ARL15: variants seen among roughly 807,000 people sequenced by gnomAD.
ARL15 encodes ADP-ribosylation factor-like protein 15.
A neutral mutation model predicts 25.2 loss-of-function variants in ARL15; 19 were observed. The observed-to-expected ratio is 0.75, with a 90% confidence interval of 0.53 to 1.10. The LOEUF (loss-of-function observed/expected upper bound fraction) is 1.10. Among genes scored for constraint, ARL15 ranks in the 50% least tolerant of loss-of-function variants. The pLI is 0.00. For missense variants in ARL15, 220 were observed against 246.0 expected (o/e 0.89, Z 0.71); for synonymous variants, 94 against 86.8 (o/e 1.08, Z -0.46).
chr5:53,907,128 A>T (rs1319382947), intron 4 of ARL15, among the ~76,000 whole-genome samples: 1 of 152,020 alleles, frequency 6.6e-6, no homozygotes, highest in African/African-American at 2.4e-5. Flanking sequence ...AGCAAGAAGT[A>T]CAGCTTCCTA....
intron 4 of ARL15, among the ~76,000 whole-genome samples, chr5:54,099,750 G>A (rs1194475284): frequency 6.6e-6 from 1 of 152,082 alleles, no homozygotes; most frequent in Non-Finnish European, 1.5e-5. Context: ...TGTTAATAAT[G>A]AGTAAGACTC....
At chr5:54,106,534 T>C (rs1472090691) in intron 4 of ARL15, among the ~76,000 whole-genome samples, 2 of 152,188 alleles carry the variant, frequency 1.3e-5, no homozygotes, top group Non-Finnish European at 1.5e-5. Context: ...TATTATCATA[T>C]AACCTATGCA....
At chr5:54,198,063 G>C (rs1206702235) in intron 1 of ARL15, among the ~76,000 whole-genome samples, 1 of 152,022 alleles carries the variant, frequency 6.6e-6, no homozygotes, top group Non-Finnish European at 1.5e-5. Context: ...TATCTCAATA[G>C]ATGCAGAAAA....
At chr5:54,041,080 C>T (rs1750329755) in intron 4 of ARL15, among the ~76,000 whole-genome samples, 1 of 152,142 alleles carries the variant, frequency 6.6e-6, no homozygotes, top group Non-Finnish European at 1.5e-5. Flanking sequence ...GCTTGGAAGC[C>T]AGGGGAAAAA....
At chr5:54,067,488 T>G (rs921096812) in intron 4 of ARL15, among the ~76,000 whole-genome samples, 5 of 152,188 alleles carry the variant, frequency 3.3e-5, no homozygotes, top group African/African-American at 1.2e-4. Flanking sequence ...TTTTCTTCAT[T>G]TATTCAGTTA....
chr5:54,250,799 G>T (rs1463815273), intron 1 of ARL15, among the ~76,000 whole-genome samples: 1 of 152,094 alleles, frequency 6.6e-6, no homozygotes, highest in Non-Finnish European at 1.5e-5. Context: ...CACATCTTCT[G>T]ATCCCAGAAC....
intron 4 of ARL15, among the ~76,000 whole-genome samples, chr5:53,965,014 A>G (rs564395029): frequency 3.2e-4 from 48 of 152,214 alleles, no homozygotes; most frequent in Non-Finnish European, 6.3e-4. Flanking sequence ...AGGCCTGCCA[A>G]TTTGCAAAAC....
At chr5:54,049,181 G>A (rs980578371) in intron 4 of ARL15, among the ~76,000 whole-genome samples, 5 of 152,044 alleles carry the variant, frequency 3.3e-5, no homozygotes, top group African/African-American at 1.2e-4. Context: ...ATGTCTACGT[G>A]TATACCTAAG....
chr5:54,065,278 G>T (rs1319343163), intron 4 of ARL15, among the ~76,000 whole-genome samples: 1 of 152,036 alleles, frequency 6.6e-6, no homozygotes. Flanking sequence ...TATTAATCTG[G>T]CATCTTTCAC....
At chr5:54,307,769 T>TACAC (rs1758795962) in intron 1 of ARL15, 1 of 151,980 alleles carries the variant, frequency 6.6e-6, no homozygotes, top group African/African-American at 2.4e-5. Context: ...AATAGATACA[T>TACAC]ACACACACAC....
chr5:53,899,009 G>T (rs1744968640), intron 4 of ARL15, among the ~76,000 whole-genome samples: 1 of 151,948 alleles, frequency 6.6e-6, no homozygotes, highest in Non-Finnish European at 1.5e-5. Flanking sequence ...CCTAATTTTA[G>T]AAATTTAAGT....
At chr5:53,894,367 G>A (rs1376068433) in intron 4 of ARL15, among the ~76,000 whole-genome samples, 3 of 152,162 alleles carry the variant, frequency 2.0e-5, no homozygotes, top group Non-Finnish European at 4.4e-5. Flanking sequence ...CAATGCACGG[G>A]AGAAGTTAGT....
chr5:54,309,871 A>T (rs1758850720), intron 1 of ARL15, among the ~76,000 whole-genome samples: 1 of 152,112 alleles, frequency 6.6e-6, no homozygotes, highest in Admixed American at 6.5e-5. Context: ...GTCCCTACTC[A>T]GTCCTGTTCG....
intron 4 of ARL15, among the ~76,000 whole-genome samples, chr5:54,093,389 A>C (rs1323717827): frequency 6.6e-6 from 1 of 152,096 alleles, no homozygotes; most frequent in Non-Finnish European, 1.5e-5. Flanking sequence ...AACCGAGAAA[A>C]CTTGGGCAGC....
At chr5:54,077,557 G>A (rs1385172580) in intron 4 of ARL15, among the ~76,000 whole-genome samples, 1 of 152,130 alleles carries the variant, frequency 6.6e-6, no homozygotes, top group Non-Finnish European at 1.5e-5. Context: ...CCATTATACG[G>A]GGAAACATGA....
At chr5:53,959,085 C>G (rs1324941141) in intron 4 of ARL15, among the ~76,000 whole-genome samples, 1 of 152,118 alleles carries the variant, frequency 6.6e-6, no homozygotes, top group Non-Finnish European at 1.5e-5. Flanking sequence ...ATAGAACACT[C>G]CAGCCAGTAA....
Position 54,113,185 on chromosome 5 carries a change from A to G in ARL15, c.462+17T>C, listed in dbSNP as rs771197031. ...CAAGCAAGGAAGACAAAGAGTTGTC[A>G]TGCTAATGAGACATACCTCTTGTAC... On this transcript the variant is annotated intron_variant, in intron 4 of 4. Coordinates refer to ENST00000504924, the MANE Select transcript of ARL15 (RefSeq NM_019087.3). 2.7e-5 allele frequency: 44 copies of G among 1,610,750 alleles called. No individual in the cohort carries two copies. In the East Asian group the frequency reaches 9.8e-4, roughly 36 times the overall value.
chr5:53,940,127 T>C lies in ARL15; in HGVS notation c.463-53414A>G, dbSNP rs557804178. ...CCGAGTAGCTGGGACTACAGGTGCC[T>C]GCCACGGCTAATTTTTCTGGTATTT... On this transcript the variant is annotated intron_variant, in intron 4 of 4. Coordinates refer to ENST00000504924, the MANE Select transcript of ARL15 (RefSeq NM_019087.3). Among the ~76,000 whole-genome samples the C allele has an allele frequency of 1.1e-4, 16 of 152,102 alleles. No homozygotes were observed. The South Asian group carries it at 2.3e-3, about 22-fold the overall frequency.
intron 2 of ARL15, among the ~76,000 whole-genome samples, chr5:54,163,366 T>G (rs1294797869): frequency 8.0e-5 from 3 of 37,674 alleles, no homozygotes; most frequent in Admixed American, 3.7e-4. Flanking sequence ...CTTTTTTTTT[T>G]TTTTTTTTTT....
Sources: gnomAD v4.1 joint callset for allele counts (sites outside exome capture counted in the v4.1 genomes callset) on GRCh38, gnomAD v4.1.1 for gene constraint, MANE v1.5 for transcripts, NCBI Gene and HGNC (gene_info 2026-07-23, HGNC 2026-07-21) for gene names.